VLDLR: variants seen among roughly 807,000 people sequenced by gnomAD.
VLDLR encodes the protein very low-density lipoprotein receptor.
Under a neutral mutation model 112.7 loss-of-function variants are expected in VLDLR, and 81 were observed. The ratio of observed to expected loss-of-function variants is 0.72; its 90% CI spans 0.60 to 0.86. VLDLR has a LOEUF of 0.86. Among genes scored for constraint, VLDLR ranks in the 40% least tolerant of loss-of-function variants. The pLI is 0.00. For synonymous variants in VLDLR, 436 were observed against 384.8 expected (o/e 1.13, Z -1.56); for missense variants, 1,237 against 1,099.4 (o/e 1.13, Z -1.77).
chr9:2,648,639 G>T, intron 13 of VLDLR, 30 bp from the exon 14 acceptor site: 2 of 1,614,186 alleles, frequency 1.2e-6, no homozygotes, highest in Non-Finnish European at 1.7e-6. Flanking sequence ...AATCCTGGAT[G>T]TACATGCTAA....
chr9:2,633,000 G>A (rs1392598932), intron 1 of VLDLR, among the ~76,000 whole-genome samples: 1 of 149,224 alleles, frequency 6.7e-6, no homozygotes, highest in Non-Finnish European at 1.5e-5. Flanking sequence ...GTAGCACACT[G>A]TACTCCTAAT....
rs1816798452 is a variant in VLDLR, at chr9:2,621,953, C to T, written c.-237C>T. 4.5e-6 allele frequency: 3 copies of T among 660,838 alleles called. No individual in the cohort carries two copies. Among genetic ancestry groups the T allele is most frequent in the Non-Finnish European group, 8.3e-6 (3 of 362,970 alleles). The allele number at this position is 660,838 out of a possible 1,614,324, so 40.9% of individuals were successfully genotyped here. ...ATTTTCTGCCCGCAGGCTCGGCTTG[C>T]ACTGCTGCTGCAGCCCGGGGAGGTG... On this transcript the variant is annotated 5_prime_UTR_variant, in exon 1 of 19. Coordinates refer to ENST00000382100, the MANE Select transcript of VLDLR (RefSeq NM_003383.5).
chr9:2,640,398 T>C (rs1563755559), intron 3 of VLDLR, among the ~76,000 whole-genome samples: 1 of 152,188 alleles, frequency 6.6e-6, no homozygotes, highest in Non-Finnish European at 1.5e-5. Flanking sequence ...TAAAAAGCTA[T>C]TACTGAAGAG....
At position 2,636,693 on chromosome 9, in the gene VLDLR, G is replaced by C. The variant is rs148676898; in HGVS notation, c.202+1121G>C. 1.1e-4 allele frequency among the ~76,000 whole-genome samples: 17 copies of C among 152,314 alleles called. No individual in the cohort carries two copies. In the East Asian group the frequency reaches 3.3e-3, roughly 29 times the overall value. ...CCTGTGCAACACTTTATCATCATTT[G>C]CATTTTAACACTAAGATTTTAATCT... On this transcript the variant is annotated intron_variant, in intron 2 of 18. Transcript: ENST00000382100.
intron 1 of VLDLR, among the ~76,000 whole-genome samples, chr9:2,632,897 T>C (rs1023769237): frequency 2.0e-5 from 3 of 152,138 alleles, no homozygotes; most frequent in African/African-American, 7.2e-5. Context: ...TTAAGGTCTT[T>C]ATTTGCCTGT....
chr9:2,651,377 C>T (rs775597215), intron 15 of VLDLR, 38 bp from the exon 16 acceptor site: 8 of 1,560,674 alleles, frequency 5.1e-6, no homozygotes, highest in Non-Finnish European at 7.1e-6. Context: ...CATGCTGGAA[C>T]CCTGGCATTA....
At chr9:2,650,260 A>G in intron 14 of VLDLR, 110 bp from the exon 15 acceptor site, 1 of 1,344,826 alleles carries the variant, frequency 7.4e-7, no homozygotes, top group Non-Finnish European at 1.0e-6. Flanking sequence ...CAGAGTAGAC[A>G]AGTTTAAGCT....
At position 2,621,871 on chromosome 9, in the gene VLDLR, A is replaced by G; in HGVS notation, c.-319A>G. The stretch of plus-strand genomic sequence containing the variant: ...TGCTCTCTTCTGCTCTCGGCTCCCC[A>G]CCCCCTCTCCCTTCCCTCCTCTCCC... On this transcript the variant is annotated 5_prime_UTR_variant, in exon 1 of 19. Coordinates refer to ENST00000382100, the MANE Select transcript of VLDLR (RefSeq NM_003383.5). The G allele has an allele frequency of 1.8e-6, 1 of 559,796 alleles. No homozygotes were observed. Among genetic ancestry groups the G allele is most frequent in the South Asian group, 1.6e-5 (1 of 63,902 alleles). The allele number at this position is 559,796 out of a possible 1,614,324, so 34.7% of individuals were successfully genotyped here.
chr9:2,622,435 C>A, intron 1 of VLDLR, 164 bp downstream of exon 1: 1 of 598,706 alleles, frequency 1.7e-6, no homozygotes. Flanking sequence ...GAGCTGTCAG[C>A]GCCGAGGCTA....
At chr9:2,651,080 C>CA (rs1818308020) in intron 15 of VLDLR, among the ~76,000 whole-genome samples, 2 of 152,162 alleles carry the variant, frequency 1.3e-5, no homozygotes, top group Admixed American at 1.3e-4. Context: ...AGTTGCAAGA[C>CA]AGTCTGGTAT....
At chr9:2,642,003 A>G (rs1279054937) in intron 4 of VLDLR, among the ~76,000 whole-genome samples, 1 of 151,624 alleles carries the variant, frequency 6.6e-6, no homozygotes, top group Non-Finnish European at 1.5e-5. Context: ...AGCATGAATT[A>G]ACATCTTGCC....
chr9:2,658,672 T>G lies in VLDLR; in HGVS notation c.*4804T>G, dbSNP rs1297390412. On this transcript the variant is annotated 3_prime_UTR_variant, in exon 19 of 19. Coordinates refer to ENST00000382100, the MANE Select transcript of VLDLR (RefSeq NM_003383.5). ...TCACTGTGACAAGGTAAGATTTAAGTGAGATGCACACAAAAAGCTCAGCAC... is the reference window on the plus strand; with the variant it reads ...TCACTGTGACAAGGTAAGATTTAAGGGAGATGCACACAAAAAGCTCAGCAC... 1 of 152,142 alleles carries G rather than the reference T, an allele frequency of 6.6e-6. No homozygotes were observed. The highest frequency in any genetic ancestry group is 1.5e-5 in the Non-Finnish European group (1 of 68,024). 9.4% of individuals were successfully genotyped at this position (152,142 alleles called of 1,614,324 possible).
chr9:2,623,562 C>T (rs182187699), intron 1 of VLDLR, among the ~76,000 whole-genome samples: 10 of 152,346 alleles, frequency 6.6e-5, no homozygotes, highest in African/African-American at 2.4e-4. Flanking sequence ...GGGGTTTTTA[C>T]GTCTCCGAAT....
intron 12 of VLDLR, 92 bp from the exon 13 acceptor site, chr9:2,648,116 C>A: frequency 6.4e-7 from 1 of 1,556,246 alleles, no homozygotes; most frequent in Admixed American, 1.7e-5. Flanking sequence ...GGGAAAGAAC[C>A]GTGAAAGTAG....
At chr9:2,626,414 A>G (rs1195205445) in intron 1 of VLDLR, among the ~76,000 whole-genome samples, 1 of 152,204 alleles carries the variant, frequency 6.6e-6, no homozygotes, top group Non-Finnish European at 1.5e-5. Context: ...TGGATTTTGG[A>G]GCATCTCAGA....
rs917660551 is a variant in VLDLR at position 2,635,453 on chromosome 9, G to A, written c.83G>A (p.Gly28Glu). The A allele has an allele frequency of 6.2e-7, 1 of 1,613,934 alleles. No homozygotes were observed. Among genetic ancestry groups the A allele is most frequent in the Non-Finnish European group, 8.5e-7 (1 of 1,179,908 alleles). Residue 28 changes from glycine to glutamate, a missense_variant and splice_region_variant, in exon 2 of 19, where the codon GGG (glycine) becomes GAG (glutamate). Gly to Glu is a moderately conservative substitution (Grantham distance 98). Transcript: ENST00000382100. Reference sequence around the variant, plus strand: ...ACCGAATGTTCCCTTCTTATTCTAGGGAGAAAAGCCAAATGTGAACCCTCC... The same window carrying A: ...ACCGAATGTTCCCTTCTTATTCTAGAGAGAAAAGCCAAATGTGAACCCTCC... Reference protein sequence around the residue: ...APRESGATGTGRKAKCEPSQF... With the variant: ...APRESGATGTERKAKCEPSQF...
intron 7 of VLDLR, among the ~76,000 whole-genome samples, 184 bp downstream of exon 7, chr9:2,644,143 T>C (rs1817951357): frequency 6.7e-6 from 1 of 148,942 alleles, no homozygotes; most frequent in Non-Finnish European, 1.5e-5. Flanking sequence ...TTATAGTTTT[T>C]GTTTTTGTTG....
chr9:2,625,490 A>T (rs996185934), intron 1 of VLDLR, among the ~76,000 whole-genome samples: 1 of 152,340 alleles, frequency 6.6e-6, no homozygotes, highest in South Asian at 2.1e-4. Context: ...TAAAGTAATG[A>T]TTGCATTCAC....
At position 2,653,813 on chromosome 9, in the gene VLDLR, A is replaced by G. The variant is rs200661294; in HGVS notation, c.2587-20A>G. The G allele has an allele frequency of 2.5e-5, 41 of 1,613,830 alleles. No homozygotes were observed. In the Middle Eastern group the frequency reaches 6.6e-4, roughly 26 times the overall value. ...AGTGAGTGATCACCAAGCTCATTCT[A>G]TACTTCTTCTTTTCCACAGATATCA... On this transcript the variant is annotated intron_variant, in intron 18 of 18. Coordinates refer to ENST00000382100, the MANE Select transcript of VLDLR (RefSeq NM_003383.5).
Sources: allele counts gnomAD v4.1 joint callset (sites outside exome capture counted in the v4.1 genomes callset), GRCh38; gene constraint gnomAD v4.1.1; transcripts MANE v1.5; gene names NCBI Gene and HGNC (gene_info 2026-07-23, HGNC 2026-07-21).